TENM2: variants seen among roughly 807,000 people sequenced by gnomAD.
TENM2 encodes teneurin-2.
Under a neutral mutation model 245.2 loss-of-function variants are expected in TENM2, and 52 were observed. The observed-to-expected ratio is 0.21, with a 90% CI of 0.17 to 0.27. TENM2 has a LOEUF of 0.27. TENM2 is among the 10% of genes least tolerant of loss of function. TENM2 has a pLI of 1.00. For missense variants in TENM2, 3,046 were observed against 3,666.8 expected (o/e 0.83, Z 4.37); for synonymous variants, 1,363 against 1,438.9 (o/e 0.95, Z 1.19).
chr5:167,526,360 G>GCACACACACACACACA lies in TENM2; in HGVS notation c.502+150906_502+150921dup, dbSNP rs72349867. Among the ~76,000 whole-genome samples, 101 of 144,152 alleles carry GCACACACACACACACA rather than the reference G, an allele frequency of 7.0e-4. 3 individuals carry two copies. The highest frequency in any genetic ancestry group is 2.4e-3 in the African/African-American group (92 of 38,996). The allele number at this position is 144,152 out of a possible 152,430, so 94.6% of individuals were successfully genotyped here. On this transcript the variant is annotated intron_variant, in intron 2 of 28. Transcript: ENST00000518659. ...CCTATCATTATCTGTTTAAGAAATA[G>GCACACACACACACACA]CACACACACACACACACACACACAC...
chr5:167,307,211 A>T (rs1755731267), intron 1 of TENM2, among the ~76,000 whole-genome samples: 1 of 152,202 alleles, frequency 6.6e-6, no homozygotes, highest in Non-Finnish European at 1.5e-5. Context: ...GTGCAGCCAG[A>T]TGGAAATTGT....
chr5:167,711,262 T>C (rs969915079), intron 2 of TENM2, among the ~76,000 whole-genome samples: 10 of 152,220 alleles, frequency 6.6e-5, no homozygotes, highest in African/African-American at 2.4e-4. Context: ...GCTAGGTGAT[T>C]GACTAACTTC....
intron 2 of TENM2, among the ~76,000 whole-genome samples, chr5:167,537,250 CAA>C (rs386405596): frequency 1.5e-4 from 16 of 108,714 alleles, no homozygotes; most frequent in Admixed American, 4.1e-4. Context: ...CCATCTCTAC[CAA>C]AAAAAAAAAA....
At chr5:167,928,340 T>A (rs1269765070) in intron 3 of TENM2, among the ~76,000 whole-genome samples, 1 of 152,212 alleles carries the variant, frequency 6.6e-6, no homozygotes, top group Non-Finnish European at 1.5e-5. Context: ...ACAATGAGTT[T>A]AATTTGATAA....
chr5:167,737,369 G>T (rs973328271), intron 2 of TENM2, among the ~76,000 whole-genome samples: 1 of 152,168 alleles, frequency 6.6e-6, no homozygotes, highest in African/African-American at 2.4e-5. Context: ...AGCAGTGCCT[G>T]CTCGAAAGAG....
At chr5:168,080,599 T>C (rs1791904952) in intron 7 of TENM2, among the ~76,000 whole-genome samples, 1 of 152,216 alleles carries the variant, frequency 6.6e-6, no homozygotes. Flanking sequence ...CACACGGTTT[T>C]AAGTGTGTCC....
intron 2 of TENM2, among the ~76,000 whole-genome samples, chr5:167,531,657 A>C (rs941407193): frequency 2.0e-5 from 3 of 151,170 alleles, no homozygotes; most frequent in Non-Finnish European, 4.4e-5. Context: ...TGCACCTCTC[A>C]CCCACCCCTT....
intron 3 of TENM2, among the ~76,000 whole-genome samples, chr5:167,880,247 G>A (rs1352840753): frequency 1.3e-5 from 2 of 151,988 alleles, no homozygotes; most frequent in African/African-American, 4.8e-5. Flanking sequence ...TGGCCAGGCT[G>A]GTCTCGAACT....
rs5873036 is a variant in TENM2, at chr5:167,454,452, CTGTGTG to C, written c.502+78998_502+79003del. Among the ~76,000 whole-genome samples the C allele has an allele frequency of 2.8e-3, 428 of 150,574 alleles. 2 individuals are homozygous for C. The highest frequency in any genetic ancestry group is 8.9e-3 in the African/African-American group (365 of 40,990). Reference sequence around the variant, plus strand: ...AAAAAAATAATGGCACTAGAAATAACTGTGTGTGTGTGTGTGTGTGTGTGCATGTGC... The same window carrying C: ...AAAAAAATAATGGCACTAGAAATAACTGTGTGTGTGTGTGTGTGCATGTGC... On this transcript the variant is annotated intron_variant, in intron 2 of 28. Coordinates refer to ENST00000518659, the Ensembl canonical transcript of TENM2.
chr5:168,080,554 T>C (rs938111190), intron 7 of TENM2, among the ~76,000 whole-genome samples: 1 of 152,240 alleles, frequency 6.6e-6, no homozygotes, highest in Non-Finnish European at 1.5e-5. Context: ...TCCTGCTTTC[T>C]CTTGTGGGCA....
intron 1 of TENM2, among the ~76,000 whole-genome samples, chr5:167,345,514 G>A (rs894996267): frequency 6.6e-6 from 1 of 152,192 alleles, no homozygotes; most frequent in East Asian, 1.9e-4. Flanking sequence ...TGTTTTGATT[G>A]TTGTTTTCTT....
At chr5:168,209,139 T>C (rs1306425774) in intron 19 of TENM2, among the ~76,000 whole-genome samples, 2 of 152,232 alleles carry the variant, frequency 1.3e-5, no homozygotes, top group Admixed American at 6.5e-5. Flanking sequence ...ATATTATTGA[T>C]AAATTAGAAA....
At chr5:167,700,748 C>T (rs547047618) in intron 2 of TENM2, among the ~76,000 whole-genome samples, 2 of 152,056 alleles carry the variant, frequency 1.3e-5, no homozygotes, top group African/African-American at 4.8e-5. Context: ...GATTTGGTAC[C>T]ATTATCAGTT....
intron 12 of TENM2, among the ~76,000 whole-genome samples, chr5:168,148,945 G>C (rs1756386276): frequency 6.6e-6 from 1 of 152,064 alleles, no homozygotes; most frequent in African/African-American, 2.4e-5. Flanking sequence ...AGCTTTTTAA[G>C]CATGTCTGAG....
At chr5:167,851,931 GAAGA>G (rs978468402) in intron 2 of TENM2, among the ~76,000 whole-genome samples, 1 of 152,026 alleles carries the variant, frequency 6.6e-6, no homozygotes, top group Non-Finnish European at 1.5e-5. Flanking sequence ...TTTTTTAAAG[GAAGA>G]AAGATAATAT....
chr5:167,858,766 C>A (rs1235937360), intron 2 of TENM2, among the ~76,000 whole-genome samples: 1 of 150,702 alleles, frequency 6.6e-6, no homozygotes, highest in Non-Finnish European at 1.5e-5. Flanking sequence ...GGATGGAGTT[C>A]AGCGGGCAGC....
At chr5:167,246,430 C>T in the TENM2 span, among the ~76,000 whole-genome samples, 2 of 151,730 alleles carry the variant, frequency 1.3e-5, no homozygotes, top group African/African-American at 4.8e-5. Context: ...AGATATATGT[C>T]TGTATATATG....
intron 2 of TENM2, among the ~76,000 whole-genome samples, chr5:167,645,538 G>C (rs1421078816): frequency 6.6e-6 from 1 of 150,800 alleles, no homozygotes; most frequent in Non-Finnish European, 1.5e-5. Flanking sequence ...CTTTCCCTTT[G>C]TCAGGGACAT....
intron 5 of TENM2, among the ~76,000 whole-genome samples, chr5:167,998,973 A>T (rs1463238349): frequency 6.6e-6 from 1 of 152,220 alleles, no homozygotes; most frequent in Non-Finnish European, 1.5e-5. Context: ...ACTCACGCTG[A>T]TGAATCTTGC....
Sources: gnomAD v4.1 joint callset for allele counts (sites outside exome capture counted in the v4.1 genomes callset) on GRCh38, gnomAD v4.1.1 for gene constraint, MANE v1.5 for transcripts, NCBI Gene and HGNC (gene_info 2026-07-23, HGNC 2026-07-21) for gene names.